KIDINS220: variants seen among roughly 807,000 people sequenced by gnomAD.
KIDINS220 encodes the protein kinase D interacting substrate 220.
Under a neutral mutation model 157.6 loss-of-function variants are expected in KIDINS220, and 63 were observed. The ratio of observed to expected loss-of-function variants is 0.40; its 90% CI spans 0.33 to 0.49. The LOEUF is 0.49. KIDINS220 is among the 20% of genes least tolerant of loss of function. The pLI is 0.66. For missense variants in KIDINS220, 1,772 were observed against 2,171.2 expected (o/e 0.82, Z 3.65); for synonymous variants, 732 against 783.6 (o/e 0.93, Z 1.10).
chr2:8,792,614 G>GT (rs1464505727), intron 12 of KIDINS220, among the ~76,000 whole-genome samples: 4 of 152,180 alleles, frequency 2.6e-5, no homozygotes, highest in African/African-American at 9.7e-5. Flanking sequence ...TTAGCAAAGA[G>GT]TAAGAGGCTG....
chr2:8,751,256 CTTT>C (rs74858222), intron 23 of KIDINS220, among the ~76,000 whole-genome samples: 2 of 135,704 alleles, frequency 1.5e-5, no homozygotes, highest in Non-Finnish European at 1.6e-5. Flanking sequence ...ACAGGATTTT[CTTT>C]TTTTTTTTTT....
rs1674038124 is a variant in KIDINS220, at chr2:8,796,964, T to C, written c.1000-95A>G. On this transcript the variant is annotated intron_variant, in intron 10 of 29. Transcript: ENST00000256707. ...CATGTCAAGAAATATCTGACTCTGG[T>C]AACAGCCTATATTTAAAACCCTCTC... The C allele has an allele frequency of 4.5e-6, 4 of 895,746 alleles. No homozygotes were observed. In the Admixed American group the frequency reaches 7.3e-5, roughly 16 times the overall value. The allele number at this position is 895,746 out of a possible 1,614,324, so 55.5% of individuals were successfully genotyped here.
chr2:8,802,922 T>G lies in KIDINS220; in HGVS notation c.801+8A>C. 1.9e-6 allele frequency: 3 copies of G among 1,611,810 alleles called. No individual in the cohort carries two copies. The highest frequency in any genetic ancestry group is 2.5e-6 in the Non-Finnish European group (3 of 1,178,740). ...CACTAGGAGACAAATGTGAAATAGATGACCTACCCTGTCAGGTATGTTCAC... is the reference window on the plus strand; with the variant it reads ...CACTAGGAGACAAATGTGAAATAGAGGACCTACCCTGTCAGGTATGTTCAC... On this transcript the variant is annotated splice_region_variant and intron_variant, in intron 8 of 29. Transcript: ENST00000256707.
In KIDINS220 at chr2:8,778,665, C is replaced by T; in HGVS notation, c.2677G>A (p.Gly893Ser). The T allele has an allele frequency of 6.2e-7, 1 of 1,613,936 alleles. No individual in the cohort carries two copies. ...CGTCTATTGAGGGCTGTCTTGCTAC[C>T]AAGTTTTGTCATCTCCCCAAGGCTG... Reference protein sequence around the residue: ...QNSLGEMTKLGSKTALNRRDT... With the variant: ...QNSLGEMTKLSSKTALNRRDT... The change falls in exon 20 of 30, where the codon GGT becomes AGT. Residue 893 changes from glycine (G) to serine (S), a missense_variant. By Grantham distance (56) the Gly-to-Ser change is moderately conservative. This residue lies in a region of KIDINS220 where 725 missense variants were observed against 1,017.1 expected (regional missense o/e 0.71). Coordinates refer to ENST00000256707, the MANE Select transcript of KIDINS220 (RefSeq NM_020738.4).
At chr2:8,778,084 A>G (rs983249915) in intron 20 of KIDINS220, among the ~76,000 whole-genome samples, 18 of 152,338 alleles carry the variant, frequency 1.2e-4, no homozygotes, top group African/African-American at 4.1e-4. Context: ...TGTCATATGC[A>G]TACAGACATA....
intron 26 of KIDINS220, chr2:8,737,336 G>C: frequency 1.2e-5 from 2 of 166,540 alleles, no homozygotes; most frequent in Non-Finnish European, 1.3e-5. Flanking sequence ...AAGAAGAGAG[G>C]TTAAAAAAAA....
rs1676378265 is a variant in KIDINS220, at chr2:8,811,918, T to C, written c.504+477A>G. ...CCTGGACCGTGGGTCATTCAGTGGCTGGCATGCAAGGAACCATGGCGGACA... is the reference window on the plus strand; with the variant it reads ...CCTGGACCGTGGGTCATTCAGTGGCCGGCATGCAAGGAACCATGGCGGACA... On this transcript the variant is annotated intron_variant, in intron 6 of 29. Coordinates refer to ENST00000256707, the MANE Select transcript of KIDINS220 (RefSeq NM_020738.4). Among the ~76,000 whole-genome samples, 4 of 152,130 alleles carry C rather than the reference T, an allele frequency of 2.6e-5. No homozygotes were observed. In the South Asian group the frequency reaches 8.3e-4, roughly 32 times the overall value.
chr2:8,746,511 T>C (rs1000640111), intron 26 of KIDINS220: 1 of 150,922 alleles, frequency 6.6e-6, no homozygotes, highest in Non-Finnish European at 1.5e-5. Flanking sequence ...CCTTAAGGTG[T>C]TGGCAAAAAA....
chr2:8,764,936 A>T (rs190128321), intron 22 of KIDINS220, among the ~76,000 whole-genome samples: 1 of 152,350 alleles, frequency 6.6e-6, no homozygotes, highest in South Asian at 2.1e-4. Flanking sequence ...TAGCAATGCA[A>T]ATATGTATAA....
At chr2:8,755,056 CAG>C (rs2148071968) in intron 22 of KIDINS220, among the ~76,000 whole-genome samples, 1 of 152,310 alleles carries the variant, frequency 6.6e-6, no homozygotes, top group East Asian at 1.9e-4. Context: ...TTCTGGGAGA[CAG>C]ACAGAACACA....
At chr2:8,727,398 G>T, downstream of KIDINS220, 1 of 272,980 alleles carries the variant, frequency 3.7e-6, no homozygotes, top group Non-Finnish European at 5.7e-6. Context: ...GGGGCACGGT[G>T]CCTTCTAGTG....
At position 8,734,672 on chromosome 2, in the gene KIDINS220, G is replaced by A; in HGVS notation, c.3799C>T (p.His1267Tyr). ...TATCTTACTGTGCTTCTGAAAAGGT[G>A]CCAGTCTCCAAAATTCATATTCATC... ...KEMNMNFGDW[H>Y]LFRSTVLEMR... Residue 1267 changes from histidine (H) to tyrosine (Y), a missense_variant, in exon 28 of 30, where the codon CAC becomes TAC. Physicochemically the swap from His to Tyr is moderately conservative, Grantham distance 83. Transcript: ENST00000256707. 1.2e-6 allele frequency: 2 copies of A among 1,608,700 alleles called. No individual in the cohort carries two copies. Among genetic ancestry groups the A allele is most frequent in the Non-Finnish European group, 1.7e-6 (2 of 1,175,664 alleles).
intron 1 of KIDINS220, among the ~76,000 whole-genome samples, chr2:8,833,808 C>T (rs1309988329): frequency 6.6e-6 from 1 of 152,162 alleles, no homozygotes; most frequent in African/African-American, 2.4e-5. Context: ...AATGTCAGAA[C>T]AAAAAATTTA....
chr2:8,743,344 A>C (rs1665888475), intron 26 of KIDINS220, among the ~76,000 whole-genome samples: 1 of 152,198 alleles, frequency 6.6e-6, no homozygotes, highest in African/African-American at 2.4e-5. Flanking sequence ...AGATGATTTA[A>C]CCAAAAACAG....
intron 22 of KIDINS220, 39 bp downstream of exon 22, chr2:8,770,631 C>A: frequency 4.8e-6 from 6 of 1,251,112 alleles, no homozygotes; most frequent in South Asian, 3.3e-5. Flanking sequence ...TTAACTCAAC[C>A]TAAAATAAAG....
intron 17 of KIDINS220, among the ~76,000 whole-genome samples, chr2:8,784,877 A>G (rs768190517): frequency 6.6e-6 from 1 of 152,212 alleles, no homozygotes; most frequent in African/African-American, 2.4e-5. Context: ...ACATCATACA[A>G]TCTAGCAATC....
At chr2:8,806,224 T>C in intron 7 of KIDINS220, 47 bp downstream of exon 7, 1 of 1,384,548 alleles carries the variant, frequency 7.2e-7, no homozygotes, top group Non-Finnish European at 1.0e-6. Context: ...TCTCTTAAAA[T>C]AAAAAACATG....
chr2:8,798,432 T>C (rs1674256553), intron 9 of KIDINS220, 132 bp from the exon 10 acceptor site: 10 of 594,112 alleles, frequency 1.7e-5, no homozygotes, highest in Admixed American at 6.3e-5. Context: ...TTAATCCTTA[T>C]GCTATCTTGG....
rs201737651 is a variant in KIDINS220 at position 8,731,201 on chromosome 2, G to T, written c.4835C>A (p.Ala1612Glu). Residue 1612 changes from alanine to glutamate, a missense_variant, in exon 30 of 30, where the codon GCA (alanine) becomes GAA (glutamate). Around this residue, in one of 3 missense-constraint regions of KIDINS220, gnomAD observed 793 missense variants for 885.5 expected, o/e 0.90. Transcript: ENST00000256707. This position sits in a 1 kb window ranked among gnomAD's most constrained non-coding sequence, Gnocchi z 5.2. ...EVADDSQLEK[A>E]NLIELEDDSH... ...GTCATCTTCCAGCTCTATGAGATTT[G>T]CCTTTTCAAGCTGGGAGTCATCCGC... 49 of 1,614,148 alleles carry T rather than the reference G, an allele frequency of 3.0e-5. No individual in the cohort carries two copies. The Admixed American group carries it at 3.7e-4, about 12-fold the overall frequency.
Sources: allele counts gnomAD v4.1 joint callset (sites outside exome capture counted in the v4.1 genomes callset), GRCh38; gene constraint gnomAD v4.1.1; regional missense constraint gnomAD v4.1.1; non-coding constraint Gnocchi (gnomAD v3.1); transcripts MANE v1.5; gene names NCBI Gene and HGNC (gene_info 2026-07-23, HGNC 2026-07-21).